The following NR5A2 variants were observed in gnomAD, a reference collection of about 807,000 sequenced individuals.
NR5A2 encodes nuclear receptor subfamily 5 group A member 2, also known as CYP7A promoter-binding factor.
A neutral mutation model predicts 62.7 loss-of-function variants in NR5A2; 26 were observed. That is an observed-to-expected ratio of 0.41 (90% confidence interval 0.30 to 0.58). The LOEUF is 0.58. Among genes scored for constraint, NR5A2 ranks in the 20% least tolerant of loss-of-function variants. The pLI, the probability that NR5A2 is intolerant of heterozygous loss-of-function variation, is 0.22. For synonymous variants in NR5A2, 246 were observed against 241.7 expected, an observed-to-expected ratio of 1.02 and a Z score of -0.16; for missense variants, 541 against 669.1, an observed-to-expected ratio of 0.81 and a Z score of 2.11.
chr1:200,114,981 GA>G (rs1214260680), intron 6 of NR5A2, among the ~76,000 whole-genome samples: 1 of 152,164 alleles, frequency 6.6e-6, no homozygotes, highest in Non-Finnish European at 1.5e-5. Flanking sequence ...AGACTCTATG[GA>G]AATTCCAAGC....
At chr1:200,094,635 C>T (rs1278000339) in intron 5 of NR5A2, among the ~76,000 whole-genome samples, 2 of 139,656 alleles carry the variant, frequency 1.4e-5, no homozygotes, top group Admixed American at 7.9e-5. Context: ...TGGGTTCATG[C>T]CATTCTCCTG....
At chr1:200,149,406 GC>G (rs1667886850) in intron 7 of NR5A2, among the ~76,000 whole-genome samples, 1 of 152,180 alleles carries the variant, frequency 6.6e-6, no homozygotes, top group East Asian at 1.9e-4. Flanking sequence ...GTTATGCCTT[GC>G]CCTTCATGGG....
At chr1:200,035,109 G>C (rs1024888527) in intron 1 of NR5A2, among the ~76,000 whole-genome samples, 2 of 152,072 alleles carry the variant, frequency 1.3e-5, no homozygotes, top group African/African-American at 4.8e-5. Context: ...AGCTCCCGTA[G>C]GCTGAAAAAC....
intron 7 of NR5A2, among the ~76,000 whole-genome samples, chr1:200,157,322 A>C (rs1653433966): frequency 6.6e-6 from 1 of 152,232 alleles, no homozygotes; most frequent in Admixed American, 6.5e-5. Context: ...ATCTGCAAAA[A>C]CCAAACAATT....
In NR5A2 at chr1:200,039,517, G is replaced by A. The variant is rs1255828429; in HGVS notation, c.65-141G>A. ...GGGGCGGCTCCGGAGCTGCGAGACC[G>A]GACAGGGCTCAGAGGTCCTGCCCGG... is the stretch of plus-strand genomic sequence containing the variant. On this transcript the variant is annotated intron_variant, in intron 1 of 7. Transcript: ENST00000367362. This position sits in a 1 kb window ranked among gnomAD's most constrained non-coding sequence, Gnocchi z 5.1. 8.4e-7 allele frequency: 1 copy of A among 1,189,748 alleles called. No homozygotes were observed. The highest frequency in any genetic ancestry group is 1.2e-6 in the Non-Finnish European group (1 of 845,010). The allele number at this position is 1,189,748 out of a possible 1,614,324, so 73.7% of individuals were successfully genotyped here. A position where few individuals can be genotyped will look rare whatever the true frequency, so the allele number is the denominator to read the frequency against.
At chr1:200,128,951 T>G (rs1230648970) in intron 7 of NR5A2, among the ~76,000 whole-genome samples, 1 of 152,244 alleles carries the variant, frequency 6.6e-6, no homozygotes, top group Non-Finnish European at 1.5e-5. Flanking sequence ...GTTTTTCTTA[T>G]TTGAATTTTG....
chr1:200,073,703 C>T (rs1663863625), intron 5 of NR5A2, among the ~76,000 whole-genome samples: 1 of 151,416 alleles, frequency 6.6e-6, no homozygotes, highest in Non-Finnish European at 1.5e-5. Context: ...ACACACACCA[C>T]ACACACACAC....
chr1:200,103,687 G>GGC (rs1665506063), intron 5 of NR5A2, among the ~76,000 whole-genome samples: 1 of 152,198 alleles, frequency 6.6e-6, no homozygotes, highest in African/African-American at 2.4e-5. Flanking sequence ...CGCAGTCTGA[G>GGC]GCAACTGCCC....
chr1:200,033,121 G>C (rs754241514), intron 1 of NR5A2, among the ~76,000 whole-genome samples: 1 of 152,288 alleles, frequency 6.6e-6, no homozygotes, highest in African/African-American at 2.4e-5. Context: ...TGGGACAAAG[G>C]CACTTCTGGT....
chr1:200,095,703 C>A (rs1231688225), intron 5 of NR5A2, among the ~76,000 whole-genome samples: 1 of 133,232 alleles, frequency 7.5e-6, no homozygotes, highest in African/African-American at 3.0e-5. Flanking sequence ...CAGGCACCCG[C>A]CACCATGCCC....
intron 7 of NR5A2, among the ~76,000 whole-genome samples, chr1:200,151,387 C>T (rs1231057820): frequency 1.3e-5 from 2 of 152,152 alleles, no homozygotes; most frequent in Non-Finnish European, 2.9e-5. Flanking sequence ...AAACATTGTG[C>T]TTTCCTTTTC....
intron 5 of NR5A2, among the ~76,000 whole-genome samples, chr1:200,067,282 C>T (rs1198194306): frequency 2.0e-5 from 3 of 152,064 alleles, no homozygotes; most frequent in South Asian, 2.1e-4. Flanking sequence ...GCTCGCTGAG[C>T]GCGGTGGCTC....
chr1:200,091,145 C>A (rs946482838), intron 5 of NR5A2, among the ~76,000 whole-genome samples: 1 of 152,222 alleles, frequency 6.6e-6, no homozygotes, highest in Middle Eastern at 3.4e-3. Context: ...TGCAGCAACT[C>A]CAGTATTTGC....
chr1:200,057,534 A>C (rs999081844), intron 5 of NR5A2: 1 of 285,134 alleles, frequency 3.5e-6, no homozygotes, highest in Non-Finnish European at 7.1e-6. Flanking sequence ...TCTGGAGTGC[A>C]GTGGCACGAT....
chr1:200,039,218 C>A lies in NR5A2; in HGVS notation c.65-440C>A, dbSNP rs145608338. ...GGAGGCGAGAGAAAGAGGAGAGAGA[C>A]CCCTGCCGATCCTGAGCCAGAGGGC... On this transcript the variant is annotated intron_variant, in intron 1 of 7. Transcript: ENST00000367362. This position sits in a 1 kb window ranked among gnomAD's most constrained non-coding sequence, Gnocchi z 5.1. Among the ~76,000 whole-genome samples, 1,256 of 152,078 alleles carry A rather than the reference C, an allele frequency of 8.3e-3. 8 individuals carry two copies. The highest frequency in any genetic ancestry group is 0.011 in the Non-Finnish European group (754 of 67,952).
chr1:200,169,008 A>G (rs1207799323), intron 7 of NR5A2, among the ~76,000 whole-genome samples: 2 of 152,150 alleles, frequency 1.3e-5, no homozygotes, highest in South Asian at 2.1e-4. Context: ...GCAAAACGGT[A>G]CCTCTTTTTT....
intron 7 of NR5A2, among the ~76,000 whole-genome samples, chr1:200,167,304 C>G (rs1169439385): frequency 6.6e-6 from 1 of 152,206 alleles, no homozygotes; most frequent in African/African-American, 2.4e-5. Flanking sequence ...ACAGCCACCA[C>G]CTTCTTCCCT....
intron 6 of NR5A2, among the ~76,000 whole-genome samples, chr1:200,114,523 G>A (rs1666129210): frequency 6.6e-6 from 1 of 151,982 alleles, no homozygotes; most frequent in African/African-American, 2.4e-5. Context: ...AAACTTCCTG[G>A]CTGTGTCATA....
At chr1:200,122,757 T>C (rs1666534289) in intron 7 of NR5A2, among the ~76,000 whole-genome samples, 1 of 152,188 alleles carries the variant, frequency 6.6e-6, no homozygotes, top group Non-Finnish European at 1.5e-5. Flanking sequence ...ATTAAATCCA[T>C]GTCTATTTGT....
Sources: gnomAD v4.1 joint callset for allele counts (sites outside exome capture counted in the v4.1 genomes callset) on GRCh38, gnomAD v4.1.1 for gene constraint, Gnocchi (gnomAD v3.1) non-coding constraint, MANE v1.5 for transcripts, NCBI Gene and HGNC (gene_info 2026-07-23, HGNC 2026-07-21) for gene names.